Variants in ZNF618 observed in about 807,000 individuals in gnomAD.
ZNF618 encodes the protein zinc finger protein 618.
A neutral mutation model predicts 103.0 loss-of-function variants in ZNF618; 34 were observed. The ratio of observed to expected loss-of-function variants is 0.33; its 90% confidence interval spans 0.25 to 0.44. The LOEUF (loss-of-function observed/expected upper bound fraction) is 0.44, where lower values mean the gene tolerates loss of function less well. Among genes scored for constraint, ZNF618 ranks in the 20% least tolerant of loss-of-function variants. The pLI, the probability that ZNF618 is intolerant of heterozygous loss-of-function variation, is 1.00. For missense variants in ZNF618, 1,059 were observed against 1,295.4 expected (o/e 0.82, Z 2.80); for synonymous variants, 551 against 542.2 (o/e 1.02, Z -0.23).
intron 9 of ZNF618, among the ~76,000 whole-genome samples, chr9:114,013,800 A>G (rs1054739184): frequency 1.9e-4 from 29 of 152,172 alleles, no homozygotes; most frequent in African/African-American, 6.5e-4. Context: ...AAGCCTTCCT[A>G]TTCATAGTGT....
At position 113,942,964 on chromosome 9, in the gene ZNF618, G is replaced by A. The variant is rs370614084; in HGVS notation, c.34-26153G>A. ...TTTTTTAGCCTCTAAGGTAACTGGC[G>A]AAAGTGTAATTTATTTAGAGGAGTG... On this transcript the variant is annotated intron_variant, in intron 1 of 14. Coordinates refer to ENST00000374126, the MANE Select transcript of ZNF618 (RefSeq NM_001318042.2). 1.2e-4 allele frequency among the ~76,000 whole-genome samples: 18 copies of A among 152,242 alleles called. No individual in the cohort carries two copies. In the South Asian group the frequency reaches 2.7e-3, roughly 23 times the overall value.
chr9:114,011,779 G>C (rs1198642438), intron 9 of ZNF618, among the ~76,000 whole-genome samples: 2 of 152,192 alleles, frequency 1.3e-5, no homozygotes, highest in African/African-American at 4.8e-5. Flanking sequence ...AGGTACTTAG[G>C]TTGGAAGAAG....
At chr9:114,032,815 C>A in intron 12 of ZNF618, 87 bp downstream of exon 12, 1 of 1,228,170 alleles carries the variant, frequency 8.1e-7, no homozygotes, top group Non-Finnish European at 1.2e-6. Flanking sequence ...ATCCTGTGGG[C>A]TGGGGTCTTT....
intron 11 of ZNF618, among the ~76,000 whole-genome samples, chr9:114,032,186 A>T (rs1844123764): frequency 6.6e-6 from 1 of 152,184 alleles, no homozygotes; most frequent in Non-Finnish European, 1.5e-5. Context: ...GTCACCAGGG[A>T]CCACCTAGCT....
chr9:113,919,194 A>T (rs575335616), intron 1 of ZNF618, among the ~76,000 whole-genome samples: 28 of 152,096 alleles, frequency 1.8e-4, no homozygotes, highest in Non-Finnish European at 1.3e-4. Context: ...GGAAAGTGAG[A>T]CAGGGCTGGC....
chr9:114,046,191 C>T lies in ZNF618; in HGVS notation c.1247-1702C>T, dbSNP rs117301223. The stretch of plus-strand genomic sequence containing the variant: ...TAGAGATCATTTTACTTCTTCCATT[C>T]CAATCTGGATGTTTTTCTTTTTTTA... On this transcript the variant is annotated intron_variant, in intron 13 of 14. Transcript: ENST00000374126. Among the ~76,000 whole-genome samples, 951 of 152,212 alleles carry T rather than the reference C, an allele frequency of 6.2e-3. 4 individuals carry two copies. The highest frequency in any genetic ancestry group is 8.6e-3 in the Non-Finnish European group (588 of 67,978).
intron 10 of ZNF618, among the ~76,000 whole-genome samples, chr9:114,018,766 T>A (rs1436902250): frequency 6.6e-6 from 1 of 152,264 alleles, no homozygotes; most frequent in African/African-American, 2.4e-5. Flanking sequence ...ACTCTCTTTC[T>A]TTCTTCCTGT....
chr9:113,998,117 G>T (rs766309144), intron 3 of ZNF618, 142 bp from the exon 4 acceptor site: 2 of 728,290 alleles, frequency 2.7e-6, no homozygotes, highest in Non-Finnish European at 4.6e-6. Context: ...GATGCCCCTT[G>T]GCCAGCACAA....
intron 12 of ZNF618, among the ~76,000 whole-genome samples, chr9:114,035,729 GCCCTCCCTCACTCCT>G (rs995747591): frequency 5.3e-5 from 8 of 151,740 alleles, no homozygotes; most frequent in Non-Finnish European, 7.4e-5. Context: ...TCCTACGCGT[GCCCTCCCTCACTCCT>G]CCCTCCCTCT....
chr9:113,940,747 C>T (rs997190958), intron 1 of ZNF618, among the ~76,000 whole-genome samples: 1 of 152,078 alleles, frequency 6.6e-6, no homozygotes, highest in Non-Finnish European at 1.5e-5. Context: ...GCAGAGAGTT[C>T]CCACCCTTCA....
At chr9:113,931,654 C>G (rs952601909) in intron 1 of ZNF618, among the ~76,000 whole-genome samples, 4 of 152,166 alleles carry the variant, frequency 2.6e-5, no homozygotes, top group Non-Finnish European at 4.4e-5. Flanking sequence ...TGAAACTTGG[C>G]TAGTCCAAAT....
intron 1 of ZNF618, among the ~76,000 whole-genome samples, chr9:113,944,845 C>T (rs184243383): frequency 5.4e-4 from 82 of 152,270 alleles, no homozygotes; most frequent in Non-Finnish European, 9.6e-4. Context: ...TTCCTCGTGA[C>T]AGCCCATCTC....
chr9:113,993,859 T>A (rs990613758), intron 3 of ZNF618, among the ~76,000 whole-genome samples: 2 of 149,394 alleles, frequency 1.3e-5, no homozygotes, highest in African/African-American at 2.5e-5. Flanking sequence ...CATTCCAGGG[T>A]GTCCTAGCCA....
chr9:113,935,635 G>A (rs555761426), intron 1 of ZNF618, among the ~76,000 whole-genome samples: 3 of 152,144 alleles, frequency 2.0e-5, no homozygotes, highest in Non-Finnish European at 1.5e-5. Flanking sequence ...TGGGGACTCT[G>A]TGAAGCCTCC....
At chr9:114,031,743 T>C (rs2134236281) in intron 11 of ZNF618, among the ~76,000 whole-genome samples, 1 of 152,266 alleles carries the variant, frequency 6.6e-6, no homozygotes. Flanking sequence ...TTTGGGCAAA[T>C]TGTTTCTCCT....
rs1477890994 is a variant in ZNF618, at chr9:114,028,834, C to G, written c.946C>G (p.Gln316Glu). ...PSPRFVAAKTQTNQSGKKAPA... is the reference protein window; with the variant it reads ...PSPRFVAAKTETNQSGKKAPA... ...TCCACGCTTCGTGGCAGCGAAGACCCAGACGAACCAGTCGGGGAAAAAAGC... is the reference window on the plus strand; with the variant it reads ...TCCACGCTTCGTGGCAGCGAAGACCGAGACGAACCAGTCGGGGAAAAAAGC... Residue 316 changes from glutamine (Q) to glutamate (E), a missense_variant, in exon 11 of 15, where the codon CAG (glutamine) becomes GAG (glutamate). By Grantham distance (29) the Gln-to-Glu change is conservative (BLOSUM62 2). Transcript: ENST00000374126. The G allele has an allele frequency of 1.3e-6, 2 of 1,550,538 alleles. No homozygotes were observed. The highest frequency in any genetic ancestry group is 2.7e-5 in the African/African-American group (2 of 73,070).
At chr9:113,971,275 C>T (rs7047800) in intron 2 of ZNF618, among the ~76,000 whole-genome samples, 8,024 of 152,000 alleles carry the variant, frequency 0.053, 544 homozygotes, top group African/African-American at 0.16. Context: ...ATGGGGAGAT[C>T]GAGGCCTTTG....
chr9:114,050,440 ACG>A lies in ZNF618; in HGVS notation c.*275_*276del, dbSNP rs558545811. 1.2e-4 allele frequency: 37 copies of A among 319,568 alleles called. No homozygotes were observed. Among genetic ancestry groups the A allele is most frequent in the South Asian group, 3.4e-4 (8 of 23,750 alleles). 19.8% of individuals were successfully genotyped at this position (319,568 alleles called of 1,614,324 possible). A position where few individuals can be genotyped will look rare whatever the true frequency, so the allele number is the denominator to read the frequency against. On this transcript the variant is annotated 3_prime_UTR_variant, in exon 15 of 15. Transcript: ENST00000374126. ...CCATGGCCAGAGAAACTTTGCACAC[ACG>A]CACACACACACACACACACACACAC...
Position 114,032,642 on chromosome 9 carries a change from C to A in ZNF618, c.1085-3C>A. The A allele has an allele frequency of 6.2e-7, 1 of 1,613,942 alleles. No individual in the cohort carries two copies. Among genetic ancestry groups the A allele is most frequent in the Admixed American group, 1.7e-5 (1 of 60,032 alleles). On this transcript the variant is annotated splice_region_variant and splice_polypyrimidine_tract_variant and intron_variant, in intron 11 of 14. Coordinates refer to ENST00000374126, the MANE Select transcript of ZNF618 (RefSeq NM_001318042.2). ...TTCTTTCTCTCTCCTGTCCCCCACC[C>A]AGCAGAAAGCGCTTTCAGTCGGAGA...
Sources: allele counts gnomAD v4.1 joint callset (sites outside exome capture counted in the v4.1 genomes callset), GRCh38; gene constraint gnomAD v4.1.1; transcripts MANE v1.5; gene names NCBI Gene and HGNC (gene_info 2026-07-23, HGNC 2026-07-21).